The following SOX5 variants were observed in gnomAD, a reference collection of about 807,000 sequenced individuals.
SOX5 encodes the protein SRY-box transcription factor 5, also known as transcription factor SOX-5.
Under a neutral mutation model 92.0 loss-of-function variants are expected in SOX5, and 9 were observed. The ratio of observed to expected loss-of-function variants is 0.10; its 90% CI spans 0.06 to 0.17. SOX5 has a LOEUF of 0.17. SOX5 is among the 10% of genes least tolerant of loss of function. The probability of loss-of-function intolerance (pLI) is 1.00; values close to 1 mark genes in which losing one functional copy is unlikely to be tolerated. For synonymous variants in SOX5, 344 were observed against 336.3 expected (o/e 1.02, Z -0.25); for missense variants, 642 against 944.5 (o/e 0.68, Z 4.20).
chr12:24,140,808 T>A (rs976786835), intron 4 of SOX5, among the ~76,000 whole-genome samples: 1 of 152,112 alleles, frequency 6.6e-6, no homozygotes, highest in Non-Finnish European at 1.5e-5. Flanking sequence ...TCCATAGATA[T>A]AACGACAAAA....
intron 4 of SOX5, among the ~76,000 whole-genome samples, chr12:24,202,527 A>T (rs1314208800): frequency 1.3e-5 from 2 of 152,220 alleles, no homozygotes; most frequent in East Asian, 3.8e-4. Flanking sequence ...CCTCATTGAA[A>T]TATCAACAAT....
intron 6 of SOX5, among the ~76,000 whole-genome samples, chr12:23,728,191 T>C (rs2093239379): frequency 6.6e-6 from 1 of 152,210 alleles, no homozygotes; most frequent in African/African-American, 2.4e-5. Flanking sequence ...GCTACTTCTT[T>C]ATATCTCCAT....
chr12:24,245,267 G>A (rs74611591), intron 3 of SOX5, among the ~76,000 whole-genome samples: 18,498 of 151,642 alleles, frequency 0.12, 1,573 homozygotes, highest in Non-Finnish European at 0.18. Flanking sequence ...GTGTGTGTGT[G>A]TGTGTGTGCC....
intron 4 of SOX5, among the ~76,000 whole-genome samples, chr12:24,011,734 T>C (rs1339113441): frequency 6.6e-6 from 1 of 152,140 alleles, no homozygotes; most frequent in Non-Finnish European, 1.5e-5. Flanking sequence ...CAATTAAGGA[T>C]AGTAAAGTAA....
intron 4 of SOX5, among the ~76,000 whole-genome samples, chr12:23,987,625 T>C (rs956235670): frequency 6.6e-6 from 1 of 152,158 alleles, no homozygotes; most frequent in African/African-American, 2.4e-5. Context: ...AAACCCCATC[T>C]CTACAAAAAG....
chr12:24,005,351 TA>T (rs139983470), intron 4 of SOX5, among the ~76,000 whole-genome samples: 117 of 152,276 alleles, frequency 7.7e-4, no homozygotes, highest in Non-Finnish European at 1.3e-3. Flanking sequence ...TATTTTTTAG[TA>T]AAATAGTCTG....
intron 6 of SOX5, among the ~76,000 whole-genome samples, chr12:23,683,969 G>C (rs1172510888): frequency 1.3e-5 from 2 of 151,954 alleles, no homozygotes; most frequent in African/African-American, 4.8e-5. Context: ...GGGAGAAAGG[G>C]GAAAGACAGA....
chr12:23,855,449 T>C (rs2096676329), intron 2 of SOX5, among the ~76,000 whole-genome samples: 1 of 152,096 alleles, frequency 6.6e-6, no homozygotes. Context: ...CTACTCATTA[T>C]GAAATAAAAC....
intron 4 of SOX5, among the ~76,000 whole-genome samples, chr12:24,105,305 T>C (rs764086346): frequency 6.4e-4 from 98 of 152,130 alleles, no homozygotes; most frequent in Non-Finnish European, 8.2e-4. Context: ...TTTTGGGATG[T>C]CAAGGTGGGC....
chr12:24,016,863 T>C (rs16926971), intron 4 of SOX5, among the ~76,000 whole-genome samples: 33,229 of 152,124 alleles, frequency 0.22, 4,046 homozygotes, highest in African/African-American at 0.32. Flanking sequence ...GTGTCTCTGC[T>C]TCTAGATTTT....
rs60575337 is a variant in SOX5 at position 23,726,118 on chromosome 12, CGAGAGA to C, written c.810+8560_810+8565del. Among the ~76,000 whole-genome samples, 1,017 of 123,406 alleles carry C rather than the reference CGAGAGA, an allele frequency of 8.2e-3. 14 individuals carry two copies. Among genetic ancestry groups the C allele is most frequent in the South Asian group, 0.019 (67 of 3,514 alleles). 81.0% of individuals were successfully genotyped at this position (123,406 alleles called of 152,430 possible). A position where few individuals can be genotyped will look rare whatever the true frequency, so the allele number is the denominator to read the frequency against. On this transcript the variant is annotated intron_variant, in intron 6 of 14. Transcript: ENST00000451604. The stretch of plus-strand genomic sequence containing the variant: ...TAATGGTGTTAAATACATACATCCC[CGAGAGA>C]GAGAGAGAGAGAGAGAGAGAGAGAG...
intron 13 of SOX5, among the ~76,000 whole-genome samples, chr12:23,540,125 A>G (rs573847169): frequency 6.6e-6 from 1 of 151,306 alleles, no homozygotes; most frequent in Non-Finnish European, 1.5e-5. Flanking sequence ...AAAAATATCT[A>G]CTTGATTTGG....
intron 1 of SOX5, among the ~76,000 whole-genome samples, chr12:24,518,994 C>T (rs947428024): frequency 6.6e-6 from 1 of 152,052 alleles, no homozygotes; most frequent in African/African-American, 2.4e-5. Flanking sequence ...GATCATTATA[C>T]TTCCAAGAGA....
chr12:24,532,560 T>C (rs966073891), intron 1 of SOX5, among the ~76,000 whole-genome samples: 1 of 152,200 alleles, frequency 6.6e-6, no homozygotes, highest in Non-Finnish European at 1.5e-5. Context: ...ACAAGGACGA[T>C]TTACAACATT....
chr12:24,235,181 T>C (rs1364321574), intron 3 of SOX5, among the ~76,000 whole-genome samples: 9 of 152,242 alleles, frequency 5.9e-5, no homozygotes, highest in Non-Finnish European at 1.3e-4. Context: ...TCGGAAAACA[T>C]TTGTTTCAAG....
chr12:24,432,429 A>G (rs1362286277), intron 1 of SOX5, among the ~76,000 whole-genome samples: 1 of 152,204 alleles, frequency 6.6e-6, no homozygotes, highest in African/African-American at 2.4e-5. Context: ...AAGGGAGAGG[A>G]GATGTACATT....
At chr12:23,749,003 T>G (rs1035212451) in intron 4 of SOX5, among the ~76,000 whole-genome samples, 11 of 151,804 alleles carry the variant, frequency 7.2e-5, no homozygotes, top group Non-Finnish European at 1.5e-4. Context: ...ATAACATGAA[T>G]AAAAACTAAG....
At chr12:24,080,909 T>C (rs10842271) in intron 4 of SOX5, among the ~76,000 whole-genome samples, 55,641 of 151,718 alleles carry the variant, frequency 0.37, 11,036 homozygotes, top group East Asian at 0.65. Flanking sequence ...ACAATGAAGA[T>C]TGCCAAAAAA....
chr12:24,547,352 C>T (rs552822373), intron 1 of SOX5, among the ~76,000 whole-genome samples: 21 of 151,314 alleles, frequency 1.4e-4, no homozygotes, highest in East Asian at 3.9e-4. Context: ...CCACCGCGCC[C>T]GGCTAATTTT....
Sources: allele counts gnomAD v4.1 joint callset (sites outside exome capture counted in the v4.1 genomes callset), GRCh38; gene constraint gnomAD v4.1.1; transcripts MANE v1.5; gene names NCBI Gene and HGNC (gene_info 2026-07-23, HGNC 2026-07-21).